The following TRPM1 variants were observed in gnomAD, a reference collection of about 807,000 sequenced individuals.
TRPM1 encodes transient receptor potential cation channel subfamily M member 1.
TRPM1 carries 113 observed loss-of-function variants against 149.4 expected under a neutral mutation model. The observed-to-expected ratio is 0.76, with a 90% confidence interval of 0.65 to 0.88. TRPM1 has a LOEUF of 0.88. TRPM1 is among the 40% of genes least tolerant of loss of function. The pLI is 0.00. For synonymous variants in TRPM1, 741 were observed against 759.5 expected (o/e 0.98, Z 0.40); for missense variants, 1,976 against 2,038.7 (o/e 0.97, Z 0.59).
intron 1 of TRPM1, among the ~76,000 whole-genome samples, chr15:31,111,275 G>A (rs1003629838): frequency 1.3e-5 from 2 of 152,298 alleles, no homozygotes; most frequent in East Asian, 3.9e-4. Context: ...CTAACTGCAC[G>A]TAAGAAGCCC....
rs61039099 is a variant in TRPM1, at chr15:31,072,018, T to TAGAGAG, written c.84-1798_84-1793dup. ...ATATATATATATATATATATATATA[T>TAGAGAG]AGAGAGAGAGAGAGAGAGAGAGAGA... On this transcript the variant is annotated intron_variant, in intron 3 of 27. Transcript: ENST00000256552. 3.1e-3 allele frequency among the ~76,000 whole-genome samples: 113 copies of TAGAGAG among 36,838 alleles called. 3 individuals carry two copies. The highest frequency in any genetic ancestry group is 5.1e-3 in the African/African-American group (46 of 8,942). The allele number at this position is 36,838 out of a possible 152,430, so 24.2% of individuals were successfully genotyped here.
chr15:31,112,952 C>T (rs1230882870), intron 1 of TRPM1, among the ~76,000 whole-genome samples: 2 of 152,132 alleles, frequency 1.3e-5, no homozygotes, highest in Non-Finnish European at 2.9e-5. Context: ...GAAAGTATCA[C>T]AACAGAGGAC....
chr15:31,011,072 T>A (rs2032168112), intron 27 of TRPM1, among the ~76,000 whole-genome samples: 1 of 152,220 alleles, frequency 6.6e-6, no homozygotes, highest in African/African-American at 2.4e-5. Context: ...TAGAGTCTAT[T>A]TTACCTGATA....
intron 2 of TRPM1, among the ~76,000 whole-genome samples, chr15:31,077,883 G>A (rs1040623825): frequency 3.9e-5 from 6 of 152,030 alleles, no homozygotes; most frequent in Non-Finnish European, 7.4e-5. Context: ...TTTGTGATGT[G>A]TGTGTGGTGT....
chr15:31,044,684 G>C (rs1245459276), intron 16 of TRPM1, among the ~76,000 whole-genome samples: 1 of 150,580 alleles, frequency 6.6e-6, no homozygotes, highest in East Asian at 2.0e-4. Context: ...GGGAGGCTGA[G>C]ACAGGAGAAT....
At chr15:31,121,999 G>T (rs115547600) in intron 1 of TRPM1, among the ~76,000 whole-genome samples, 1,721 of 152,212 alleles carry the variant, frequency 0.011, 40 homozygotes, top group African/African-American at 0.04. Context: ...GACCAAATTA[G>T]ATTTATCCCA....
At position 31,061,532 on chromosome 15, in the gene TRPM1, C is replaced by A. The variant is rs1327741236; in HGVS notation, c.1090-18G>T. The stretch of plus-strand genomic sequence containing the variant: ...ACAGTGACCTGAAAATGTGAAAAGA[C>A]TGAATTAAAGCCAAGTTGAAAACAA... On this transcript the variant is annotated intron_variant, in intron 9 of 27. Transcript: ENST00000256552. The A allele has an allele frequency of 1.9e-6, 3 of 1,613,596 alleles. 1 individual carries two copies. The South Asian group carries it at 3.3e-5, about 18-fold the overall frequency.
chr15:31,025,290 A>G (rs1429644189), intron 27 of TRPM1, among the ~76,000 whole-genome samples: 1 of 152,202 alleles, frequency 6.6e-6, no homozygotes, highest in Non-Finnish European at 1.5e-5. Context: ...TAGCAGGCTG[A>G]AAATGCTTTT....
At chr15:31,138,895 T>C (rs1263949568) in intron 1 of TRPM1, among the ~76,000 whole-genome samples, 1 of 152,078 alleles carries the variant, frequency 6.6e-6, no homozygotes, top group South Asian at 2.1e-4. Flanking sequence ...ACTTTTACAA[T>C]GGGGAATAAA....
intron 1 of TRPM1, among the ~76,000 whole-genome samples, chr15:31,097,892 CGAG>C (rs1268285335): frequency 1.3e-5 from 2 of 151,960 alleles, no homozygotes; most frequent in Non-Finnish European, 2.9e-5. Context: ...GAGCTGAAAA[CGAG>C]GTGTGTGGCA....
At chr15:31,118,892 TGA>T (rs1491331018) in intron 1 of TRPM1, among the ~76,000 whole-genome samples, 31,586 of 151,840 alleles carry the variant, frequency 0.21, 3,855 homozygotes, top group African/African-American at 0.32. Flanking sequence ...TTTCAACACA[TGA>T]ATTTGATGGG....
At chr15:31,128,181 T>C (rs943471075) in intron 1 of TRPM1, among the ~76,000 whole-genome samples, 6 of 152,192 alleles carry the variant, frequency 3.9e-5, no homozygotes, top group Admixed American at 1.3e-4. Context: ...TGACTGTCTC[T>C]GGGGGCAACC....
At chr15:31,066,024 C>A (rs2034364291) in intron 7 of TRPM1, 52 bp downstream of exon 7, 4 of 1,589,764 alleles carry the variant, frequency 2.5e-6, no homozygotes, top group Non-Finnish European at 8.6e-7. Context: ...AGCCTTGTTT[C>A]CACTGTGATG....
chr15:31,054,390 G>A (rs866241962), intron 11 of TRPM1, among the ~76,000 whole-genome samples: 23 of 152,182 alleles, frequency 1.5e-4, no homozygotes, highest in Admixed American at 7.9e-4. Context: ...CGGCTCCCAG[G>A]TTCAAGCAAT....
At chr15:31,113,479 A>T (rs891284140) in intron 1 of TRPM1, among the ~76,000 whole-genome samples, 4 of 151,918 alleles carry the variant, frequency 2.6e-5, no homozygotes, top group African/African-American at 9.7e-5. Context: ...AAAATGGGTC[A>T]AACAATATCT....
intron 27 of TRPM1, among the ~76,000 whole-genome samples, chr15:31,011,573 C>G (rs944223137): frequency 7.9e-5 from 12 of 151,842 alleles, no homozygotes; most frequent in Middle Eastern, 3.2e-3. Context: ...TTTCTTTTAT[C>G]ATATGTTTTT....
chr15:31,119,596 A>G (rs544211514), intron 1 of TRPM1, among the ~76,000 whole-genome samples: 7 of 152,342 alleles, frequency 4.6e-5, no homozygotes, highest in African/African-American at 1.4e-4. Context: ...AAATAAAGGT[A>G]AAGTAAAACC....
rs1006868054 is a variant in TRPM1, at chr15:31,040,448, A to G, written c.2088-102T>C. 7.4e-6 allele frequency: 7 copies of G among 943,488 alleles called. No homozygotes were observed. The highest frequency in any genetic ancestry group is 3.2e-5 in the African/African-American group (2 of 61,990). 58.4% of individuals were successfully genotyped at this position (943,488 alleles called of 1,614,324 possible). On this transcript the variant is annotated intron_variant, in intron 17 of 27. Coordinates refer to ENST00000256552, the MANE Select transcript of TRPM1 (RefSeq NM_001252024.2). This position sits in a 1 kb window ranked among gnomAD's most constrained non-coding sequence, Gnocchi z 4.2. ...GACTTATGGAGCCACGGGACACAGTATCCTTCACTGGAGGGGCTCTGAGGT... is the reference window on the plus strand; with the variant it reads ...GACTTATGGAGCCACGGGACACAGTGTCCTTCACTGGAGGGGCTCTGAGGT...
intron 22 of TRPM1, 131 bp downstream of exon 22, chr15:31,032,558 A>G: frequency 9.5e-7 from 1 of 1,048,606 alleles, no homozygotes; most frequent in South Asian, 1.3e-5. Context: ...AAAGCAAAGA[A>G]TATTTCCTTT....
Sources: allele counts gnomAD v4.1 joint callset (sites outside exome capture counted in the v4.1 genomes callset), GRCh38; gene constraint gnomAD v4.1.1; non-coding constraint Gnocchi (gnomAD v3.1); transcripts MANE v1.5; gene names NCBI Gene and HGNC (gene_info 2026-07-23, HGNC 2026-07-21).